Variants in SYT1 observed in about 807,000 individuals in gnomAD.
The protein encoded by SYT1 is synaptotagmin-1.
In SYT1, 8 loss-of-function variants were observed where a neutral mutation model predicts 44.8. The ratio of observed to expected loss-of-function variants is 0.18; its 90% CI spans 0.10 to 0.32. The LOEUF (loss-of-function observed/expected upper bound fraction) is 0.32, where lower values mean the gene tolerates loss of function less well. Among genes scored for constraint, SYT1 ranks in the 10% least tolerant of loss-of-function variants. SYT1 has a pLI of 1.00. For missense variants in SYT1, 286 were observed against 509.3 expected, an observed-to-expected ratio of 0.56 and a Z score of 4.22; for synonymous variants, 154 against 188.8, an observed-to-expected ratio of 0.82 and a Z score of 1.51.
At chr12:79,408,340 T>C (rs1333413420) in intron 9 of SYT1, among the ~76,000 whole-genome samples, 10 of 152,154 alleles carry the variant, frequency 6.6e-5, no homozygotes. Context: ...AAGTGAACAC[T>C]GTGGGGAGCT....
At chr12:79,221,719 T>A (rs1875175928) in intron 4 of SYT1, among the ~76,000 whole-genome samples, 1 of 152,184 alleles carries the variant, frequency 6.6e-6, no homozygotes, top group Non-Finnish European at 1.5e-5. Context: ...GAATTTTTTA[T>A]GTCAAAATTT....
chr12:78,892,990 C>A (rs1875140117), intron 1 of SYT1, among the ~76,000 whole-genome samples: 1 of 151,832 alleles, frequency 6.6e-6, no homozygotes, highest in Non-Finnish European at 1.5e-5. Flanking sequence ...TCACTCCTAA[C>A]TAAATTGCCC....
At chr12:78,945,494 T>C (rs928220726) in intron 1 of SYT1, among the ~76,000 whole-genome samples, 13 of 150,514 alleles carry the variant, frequency 8.6e-5, no homozygotes, top group Non-Finnish European at 5.9e-5. Context: ...ATATACACAT[T>C]TCTTTCTTTC....
chr12:79,088,351 TAGAC>T (rs1178205021), intron 3 of SYT1, among the ~76,000 whole-genome samples: 6 of 152,112 alleles, frequency 3.9e-5, no homozygotes, highest in Admixed American at 1.3e-4. Context: ...AAACTGACAA[TAGAC>T]AGGTTAACAG....
At chr12:78,917,339 C>T (rs903656242) in intron 1 of SYT1, among the ~76,000 whole-genome samples, 4 of 151,836 alleles carry the variant, frequency 2.6e-5, no homozygotes, top group African/African-American at 9.7e-5. Flanking sequence ...TGAATGTATC[C>T]CAATTAGTTT....
At position 79,349,594 on chromosome 12, in the gene SYT1, C is replaced by T. The variant is rs75204676; in HGVS notation, c.811-3908C>T. Among the ~76,000 whole-genome samples, 477 of 152,196 alleles carry T rather than the reference C, an allele frequency of 3.1e-3. 4 individuals are homozygous for T. Among genetic ancestry groups the T allele is most frequent in the African/African-American group, 9.6e-3 (400 of 41,526 alleles). ...ATATAAAATGGACATAACAGTACCT[C>T]GTTCACAGGGCTATTCTAGAAAAAA... On this transcript the variant is annotated intron_variant, in intron 8 of 10. Coordinates refer to ENST00000261205, the MANE Select transcript of SYT1 (RefSeq NM_005639.3).
At chr12:78,953,144 A>G (rs991932298) in intron 1 of SYT1, among the ~76,000 whole-genome samples, 3 of 152,106 alleles carry the variant, frequency 2.0e-5, no homozygotes, top group African/African-American at 7.2e-5. Context: ...GTAGGAATCA[A>G]TGCATGAGTG....
chr12:79,108,587 C>T (rs1878842617), intron 3 of SYT1, among the ~76,000 whole-genome samples: 2 of 152,108 alleles, frequency 1.3e-5, no homozygotes, highest in African/African-American at 2.4e-5. Flanking sequence ...AAATGAAAAT[C>T]TCTGATTGCT....
chr12:78,909,115 T>C (rs1172914984), intron 1 of SYT1, among the ~76,000 whole-genome samples: 2 of 151,890 alleles, frequency 1.3e-5, no homozygotes, highest in Non-Finnish European at 2.9e-5. Flanking sequence ...GTAAATATAT[T>C]ACAGTTACTG....
intron 1 of SYT1, among the ~76,000 whole-genome samples, chr12:78,871,915 A>T (rs1333782111): frequency 6.6e-6 from 1 of 151,804 alleles, no homozygotes; most frequent in East Asian, 1.9e-4. Flanking sequence ...ACCAATGTTC[A>T]GAATCCGAGG....
At chr12:79,026,084 A>T (rs1872512403) in intron 2 of SYT1, among the ~76,000 whole-genome samples, 1 of 151,722 alleles carries the variant, frequency 6.6e-6, no homozygotes, top group Admixed American at 6.6e-5. Context: ...TTTATGCATC[A>T]TTTATTTGAA....
At chr12:79,197,793 C>T (rs1012933410) in intron 3 of SYT1, among the ~76,000 whole-genome samples, 2 of 152,130 alleles carry the variant, frequency 1.3e-5, no homozygotes, top group Non-Finnish European at 2.9e-5. Flanking sequence ...AAATCCAACA[C>T]ACTCTGGCAG....
At chr12:79,423,641 G>C (rs1243465714) in intron 9 of SYT1, among the ~76,000 whole-genome samples, 4 of 152,118 alleles carry the variant, frequency 2.6e-5, no homozygotes, top group African/African-American at 9.7e-5. Flanking sequence ...ATAGTTCTAA[G>C]AAATTGCTTA....
chr12:79,143,207 T>C (rs1232284076), intron 3 of SYT1, among the ~76,000 whole-genome samples: 1 of 152,182 alleles, frequency 6.6e-6, no homozygotes, highest in East Asian at 1.9e-4. Flanking sequence ...GGAACAATGG[T>C]ACTAGTAAGC....
chr12:78,965,971 G>C (rs1251424448), intron 1 of SYT1, among the ~76,000 whole-genome samples: 1 of 151,722 alleles, frequency 6.6e-6, no homozygotes, highest in Non-Finnish European at 1.5e-5. Flanking sequence ...CAGCTACTCG[G>C]GAGGCTGAGG....
At chr12:79,179,217 T>TAG (rs1388675247) in intron 3 of SYT1, among the ~76,000 whole-genome samples, 5 of 32,376 alleles carry the variant, frequency 1.5e-4, no homozygotes, top group African/African-American at 9.4e-4. Context: ...TAGATATAGA[T>TAG]ATATAGATAT....
At chr12:79,072,312 T>A (rs1876338233) in intron 3 of SYT1, among the ~76,000 whole-genome samples, 1 of 152,104 alleles carries the variant, frequency 6.6e-6, no homozygotes, top group Non-Finnish European at 1.5e-5. Flanking sequence ...AATAGAATGA[T>A]AAAATCTTGT....
At chr12:79,436,936 G>A (rs1870124539) in intron 9 of SYT1, among the ~76,000 whole-genome samples, 1 of 152,124 alleles carries the variant, frequency 6.6e-6, no homozygotes, top group African/African-American at 2.4e-5. Context: ...AATGCTGCAG[G>A]GCAAAGGAAG....
intron 4 of SYT1, among the ~76,000 whole-genome samples, chr12:79,220,375 G>C (rs144810988): frequency 1.3e-5 from 2 of 151,716 alleles, no homozygotes; most frequent in Non-Finnish European, 2.9e-5. Flanking sequence ...CAGTTTTGTT[G>C]ATCTTTTCTG....
Sources: gnomAD v4.1 joint callset for allele counts (sites outside exome capture counted in the v4.1 genomes callset) on GRCh38, gnomAD v4.1.1 for gene constraint, MANE v1.5 for transcripts, NCBI Gene and HGNC (gene_info 2026-07-23, HGNC 2026-07-21) for gene names.